TTC34: variants seen among roughly 807,000 people sequenced by gnomAD.
TTC34 encodes the protein tetratricopeptide repeat domain 34, also known as tetratricopeptide repeat protein 34.
In TTC34, 44 loss-of-function variants were observed where a neutral mutation model predicts 40.7. That is an observed-to-expected ratio of 1.08 (90% CI 0.85 to 1.39). The LOEUF (loss-of-function observed/expected upper bound fraction) is 1.39. Ranked by LOEUF, TTC34 falls within the 40% of genes most tolerant of loss-of-function variation. The pLI, the probability that TTC34 is intolerant of heterozygous loss-of-function variation, is 0.00. For synonymous variants in TTC34, 422 were observed against 398.6 expected, an observed-to-expected ratio of 1.06 and a Z score of -0.70; for missense variants, 884 against 838.0, an observed-to-expected ratio of 1.05 and a Z score of -0.68.
At chr1:2,777,401 G>T (rs894096161) in intron 6 of TTC34, among the ~76,000 whole-genome samples, 5 of 151,934 alleles carry the variant, frequency 3.3e-5, no homozygotes, top group African/African-American at 1.2e-4. Flanking sequence ...TGACAGCCTG[G>T]AACAGCACTC....
At chr1:2,690,059 C>A (rs1228902890) in intron 6 of TTC34, among the ~76,000 whole-genome samples, 1,944 of 32,830 alleles carry the variant, frequency 0.059, no homozygotes, top group Non-Finnish European at 0.083. Flanking sequence ...GCACCCACAC[C>A]GCCAGGCGAG....
intron 6 of TTC34, among the ~76,000 whole-genome samples, chr1:2,651,737 T>C (rs1033320189): frequency 6.6e-6 from 1 of 151,072 alleles, no homozygotes; most frequent in Non-Finnish European, 1.5e-5. Flanking sequence ...CAGGTGATTA[T>C]CTGACAACCT....
chr1:2,677,709 C>G (rs992503066), intron 6 of TTC34, among the ~76,000 whole-genome samples: 4 of 126,816 alleles, frequency 3.2e-5, no homozygotes, highest in South Asian at 2.7e-4. Context: ...GAGCATCTGA[C>G]AGCCTGGAAC....
Position 2,787,552 on chromosome 1 carries a change from G to C in TTC34, c.1783C>G (p.Gln595Glu), listed in dbSNP as rs1038139384. Residue 595 changes from glutamine to glutamate, a missense_variant, in exon 4 of 9, where the codon CAG becomes GAG. Physicochemically the swap from Gln to Glu is conservative, Grantham distance 29. Transcript: ENST00000401095. The stretch of plus-strand genomic sequence containing the variant: ...AGTCGTGCCAGCACAGGGGCTGCCT[G>C]GGGCCTCCGGGATAGGGCCACCAGC... The C allele has an allele frequency of 5.8e-6, 9 of 1,542,372 alleles. No individual in the cohort carries two copies. In the African/African-American group the frequency reaches 1.2e-4, roughly 21 times the overall value.
At chr1:2,694,953 C>A (rs867380471) in intron 6 of TTC34, among the ~76,000 whole-genome samples, 2 of 151,884 alleles carry the variant, frequency 1.3e-5, no homozygotes, top group Non-Finnish European at 2.9e-5. Context: ...CACCCACACC[C>A]CCAGGTGAGC....
At chr1:2,768,252 C>A (rs1435697496) in intron 6 of TTC34, among the ~76,000 whole-genome samples, 3 of 151,928 alleles carry the variant, frequency 2.0e-5, no homozygotes, top group Non-Finnish European at 4.4e-5. Context: ...CCATTCCAGG[C>A]TGCCAGATCC....
intron 6 of TTC34, among the ~76,000 whole-genome samples, chr1:2,700,135 C>CT (rs1641063545): frequency 2.6e-5 from 3 of 115,332 alleles, no homozygotes; most frequent in African/African-American, 2.8e-5. Context: ...ATCCTCACCC[C>CT]AGGTGAGCAT....
intron 6 of TTC34, among the ~76,000 whole-genome samples, chr1:2,699,997 G>C (rs529732984): frequency 9.1e-6 from 1 of 109,292 alleles, no homozygotes; most frequent in Admixed American, 1.0e-4. Flanking sequence ...CTGACAGCCT[G>C]GAGCAGCGTC....
exon 9 of TTC34, chr1:2,640,209 C>A (rs926868205): frequency 1.5e-4 from 23 of 152,272 alleles, no homozygotes; most frequent in African/African-American, 5.1e-4. Flanking sequence ...ACGTTTTGCA[C>A]CGAGTCAGCT....
chr1:2,673,391 C>G (rs1315147966), intron 6 of TTC34, among the ~76,000 whole-genome samples: 1 of 75,858 alleles, frequency 1.3e-5, no homozygotes, highest in Non-Finnish European at 3.1e-5. Flanking sequence ...GGTCGGCACC[C>G]ACACCCCCAG....
chr1:2,687,471 G>A (rs1472220714), intron 6 of TTC34, among the ~76,000 whole-genome samples: 1 of 147,432 alleles, frequency 6.8e-6, no homozygotes, highest in Non-Finnish European at 1.5e-5. Context: ...CGACAGCCTG[G>A]AACAGCACCC....
intron 6 of TTC34, among the ~76,000 whole-genome samples, chr1:2,697,237 C>G (rs1254378802): frequency 9.3e-6 from 1 of 107,880 alleles, no homozygotes; most frequent in East Asian, 2.8e-4. Flanking sequence ...GGAACAGCAC[C>G]CTGCACCCCC....
intron 6 of TTC34, among the ~76,000 whole-genome samples, chr1:2,752,699 A>G (rs1355857332): frequency 3.5e-4 from 35 of 99,066 alleles, no homozygotes; most frequent in African/African-American, 1.5e-3. Context: ...ATACGCCCAG[A>G]TGAGCATCTG....
chr1:2,795,578 CAT>C (rs1315916747), intron 2 of TTC34, among the ~76,000 whole-genome samples: 5 of 152,202 alleles, frequency 3.3e-5, no homozygotes, highest in African/African-American at 1.2e-4. Flanking sequence ...TCACTTCTAC[CAT>C]ATTCTACTGG....
chr1:2,750,246 A>T (rs1167481910), intron 6 of TTC34, among the ~76,000 whole-genome samples: 3 of 121,074 alleles, frequency 2.5e-5, no homozygotes, highest in East Asian at 2.8e-4. Context: ...ACCCACACCC[A>T]CAGGTGGGCA....
At chr1:2,652,478 C>A (rs950173753) in intron 6 of TTC34, among the ~76,000 whole-genome samples, 798 of 103,322 alleles carry the variant, frequency 7.7e-3, no homozygotes, top group Middle Eastern at 0.02. Context: ...TGGAGCAGAA[C>A]CCACACCCCC....
intron 6 of TTC34, among the ~76,000 whole-genome samples, chr1:2,686,264 T>C (rs543117001): frequency 1.4e-5 from 2 of 144,980 alleles, no homozygotes; most frequent in African/African-American, 5.4e-5. Flanking sequence ...TCTGACAGCG[T>C]GGAGGAGCAC....
intron 6 of TTC34, among the ~76,000 whole-genome samples, chr1:2,694,798 G>C (rs1443308739): frequency 1.1e-5 from 1 of 88,780 alleles, no homozygotes; most frequent in African/African-American, 3.7e-5. Context: ...ACACACCCAG[G>C]CGAGCATCTG....
At chr1:2,648,469 G>A (rs1031920531) in intron 6 of TTC34, among the ~76,000 whole-genome samples, 1 of 152,142 alleles carries the variant, frequency 6.6e-6, no homozygotes. Flanking sequence ...GCCTCTCTGC[G>A]GCCTCCTGTC....
Sources: gnomAD v4.1 joint callset for allele counts (sites outside exome capture counted in the v4.1 genomes callset) on GRCh38, gnomAD v4.1.1 for gene constraint, MANE v1.5 for transcripts, NCBI Gene and HGNC (gene_info 2026-07-23, HGNC 2026-07-21) for gene names.